The following EDEM3 variants were observed in gnomAD, a reference collection of about 807,000 sequenced individuals.
EDEM3 encodes ER degradation-enhancing alpha-mannosidase-like protein 3.
EDEM3 carries 60 observed loss-of-function variants against 110.2 expected under a neutral mutation model. That is an observed-to-expected ratio of 0.54 (90% CI 0.44 to 0.67). The LOEUF is 0.67. Ranked by LOEUF, EDEM3 falls within the 30% of genes least tolerant of loss-of-function variation. The pLI, the probability that EDEM3 is intolerant of heterozygous loss-of-function variation, is 0.00. For synonymous variants in EDEM3, 352 were observed against 382.9 expected, an observed-to-expected ratio of 0.92 and a Z score of 0.94; for missense variants, 996 against 1,121.0, an observed-to-expected ratio of 0.89 and a Z score of 1.59.
At chr1:184,751,291 G>A (rs1234963139) in intron 1 of EDEM3, among the ~76,000 whole-genome samples, 3 of 151,854 alleles carry the variant, frequency 2.0e-5, no homozygotes, top group African/African-American at 7.3e-5. Flanking sequence ...AATGGAAGAT[G>A]GAAGTCCTCT....
Position 184,737,048 on chromosome 1 carries a change from T to A in EDEM3, c.322A>T (p.Ile108Phe). 2 of 1,610,208 alleles carry A rather than the reference T, an allele frequency of 1.2e-6. No individual in the cohort carries two copies. The highest frequency in any genetic ancestry group is 1.7e-6 in the Non-Finnish European group (2 of 1,178,640). ...DALGKFSLTL[I>F]DSLDTLVVLN... ...ACCACAAGAGTGTCCAAAGAATCAA[T>A]CAGTGTCAGAGAAAATCTAAGAAAC... The change falls in exon 4 of 20, where the codon ATT becomes TTT. Residue 108 changes from isoleucine to phenylalanine, a missense_variant. Coordinates refer to ENST00000318130, the MANE Select transcript of EDEM3 (RefSeq NM_025191.4).
intron 6 of EDEM3, among the ~76,000 whole-genome samples, chr1:184,726,864 G>T (rs1412560588): frequency 3.3e-5 from 5 of 152,176 alleles, no homozygotes; most frequent in African/African-American, 7.2e-5. Context: ...GATTGTTATG[G>T]TATACATTTG....
At chr1:184,716,688 C>T (rs1650568664) in intron 13 of EDEM3, among the ~76,000 whole-genome samples, 200 bp downstream of exon 13, 1 of 152,054 alleles carries the variant, frequency 6.6e-6, no homozygotes, top group Admixed American at 6.6e-5. Context: ...CTACTATATG[C>T]CAGGCACTAT....
rs373653001 is a variant in EDEM3 at position 184,726,380 on chromosome 1, T to G, written c.622A>C (p.Lys208Gln). The G allele has an allele frequency of 1.2e-5, 19 of 1,612,990 alleles. No individual in the cohort carries two copies. The highest frequency in any genetic ancestry group is 4.0e-5 in the African/African-American group (3 of 74,922). The change falls in exon 7 of 20, where the codon AAG (lysine) becomes CAG (glutamine). Residue 208 changes from lysine to glutamine, a missense_variant. Physicochemically the swap from Lys to Gln is moderately conservative, Grantham distance 53 (BLOSUM62 1). Transcript: ENST00000318130. ...SGLPYPRINLKFGIRKPEART... is the reference protein window; with the variant it reads ...SGLPYPRINLQFGIRKPEART... ...GCTTCTGGTTTTCTGATGCCAAACT[T>G]TAAATTAATCTGAATACAATTAGAA... is the stretch of plus-strand genomic sequence containing the variant.
chr1:184,698,025 C>A (rs1649419971), intron 19 of EDEM3, among the ~76,000 whole-genome samples: 1 of 151,230 alleles, frequency 6.6e-6, no homozygotes, highest in African/African-American at 2.4e-5. Context: ...TATAAAATAT[C>A]TAGAAAAGAC....
intron 9 of EDEM3, chr1:184,721,049 T>C: frequency 2.7e-6 from 1 of 377,298 alleles, no homozygotes; most frequent in Non-Finnish European, 4.7e-6. Flanking sequence ...TTACATCTCT[T>C]ATTGGCAGAT....
At chr1:184,739,846 A>C (rs923079183) in intron 2 of EDEM3, among the ~76,000 whole-genome samples, 1 of 152,216 alleles carries the variant, frequency 6.6e-6, no homozygotes, top group African/African-American at 2.4e-5. Context: ...TCAAGTACCA[A>C]AATTAAACGG....
At chr1:184,713,628 G>C (rs543372343) in intron 13 of EDEM3, among the ~76,000 whole-genome samples, 1 of 152,256 alleles carries the variant, frequency 6.6e-6, no homozygotes, top group Non-Finnish European at 1.5e-5. Context: ...CACACAGTAG[G>C]CACTCAATAA....
chr1:184,721,499 C>T, intron 8 of EDEM3, 113 bp from the exon 9 acceptor site: 2 of 630,954 alleles, frequency 3.2e-6, no homozygotes, highest in East Asian at 6.4e-5. Context: ...ATATATATGA[C>T]TACACCAGTT....
chr1:184,734,843 C>T (rs1284554603), intron 4 of EDEM3, among the ~76,000 whole-genome samples, 200 bp from the exon 5 acceptor site: 2 of 152,112 alleles, frequency 1.3e-5, no homozygotes, highest in Admixed American at 1.3e-4. Flanking sequence ...CATCTTTATA[C>T]ACTTCTTTGC....
In EDEM3 at chr1:184,690,516, T is replaced by C. The variant is rs1649015476; in HGVS notation, c.*3547A>G. 1 of 152,592 alleles carries C rather than the reference T, an allele frequency of 6.6e-6. No individual in the cohort carries two copies. Among genetic ancestry groups the C allele is most frequent in the South Asian group, 2.1e-4 (1 of 4,834 alleles). The allele number at this position is 152,592 out of a possible 1,614,324, so 9.5% of individuals were successfully genotyped here. On this transcript the variant is annotated 3_prime_UTR_variant, in exon 20 of 20. Transcript: ENST00000318130. ...TTAAAACTAAACTGGAATATTTACA[T>C]ATTTTATTAAATCTTTACAATCAGT...
Position 184,717,609 on chromosome 1 carries a change from A to G in EDEM3, c.1176T>C (p.Asp392=). The part of the protein sequence containing the change: ...HNFLPEAFTT[D]FRVHWAQHPL... ...GATGTTGAGCCCAGTGTACTCTGAA[A>G]TCTGTGGTAAATGCCTGAACAAAAC... The change falls in exon 12 of 20, where the codon GAT becomes GAC. Residue 392 remains aspartate (D), a synonymous_variant. Transcript: ENST00000318130. 1 of 1,602,456 alleles carries G rather than the reference A, an allele frequency of 6.2e-7. No individual in the cohort carries two copies. The highest frequency in any genetic ancestry group is 8.5e-7 in the Non-Finnish European group (1 of 1,175,628).
In EDEM3 at chr1:184,710,527, C is replaced by G. The variant is rs1258372477; in HGVS notation, c.1712G>C (p.Gly571Ala). 4 of 1,613,068 alleles carry G rather than the reference C, an allele frequency of 2.5e-6. No individual in the cohort carries two copies. Among genetic ancestry groups the G allele is most frequent in the East Asian group, 2.2e-5 (1 of 44,836 alleles). The change falls in exon 16 of 20, where the codon GGA becomes GCA. Residue 571 changes from glycine to alanine, a missense_variant. Physicochemically the swap from Gly to Ala is moderately conservative, Grantham distance 60. This residue lies in a region of EDEM3 where 138 missense variants were observed against 124.3 expected (regional missense o/e 1.11). Coordinates refer to ENST00000318130, the MANE Select transcript of EDEM3 (RefSeq NM_025191.4). ...IIRVEESFRS[G>A]AKPPLRARDF... ...TCTGGCTCTCAGAGGGGGTTTAGCT[C>G]CACTCCTGAAACTCTCCTCTCTGCT... is the stretch of plus-strand genomic sequence containing the variant.
Position 184,754,681 on chromosome 1 carries a change from C to G in EDEM3, c.-35G>C. On this transcript the variant is annotated 5_prime_UTR_variant, in exon 1 of 20. Coordinates refer to ENST00000318130, the MANE Select transcript of EDEM3 (RefSeq NM_025191.4). ...GTTCCGCGCACGCGCAGCTGCTACG[C>G]CCGGCCGGTGAGACACATTGCTGGA... 1 of 1,506,058 alleles carries G rather than the reference C, an allele frequency of 6.6e-7. No homozygotes were observed. Among genetic ancestry groups the G allele is most frequent in the Non-Finnish European group, 8.9e-7 (1 of 1,129,470 alleles). The allele number at this position is 1,506,058 out of a possible 1,614,324, so 93.3% of individuals were successfully genotyped here.
rs368655971 is a variant in EDEM3, at chr1:184,708,332, T to C, written c.1858A>G (p.Ile620Val). ...VQHAIQAASSIDAEDGLRFMQ... is the reference protein window; with the variant it reads ...VQHAIQAASSVDAEDGLRFMQ... ...AACCTCAACCCATCTTCAGCGTCGA[T>C]TGAACTAGCAGCCTATGAAAAAAAC... The change falls in exon 17 of 20, where the codon ATC becomes GTC. Residue 620 changes from isoleucine to valine, a missense_variant. Physicochemically the swap from Ile to Val is conservative, Grantham distance 29. Transcript: ENST00000318130. 161 of 1,609,868 alleles carry C rather than the reference T, an allele frequency of 1.0e-4. No homozygotes were observed. Among genetic ancestry groups the C allele is most frequent in the Middle Eastern group, 1.6e-4 (1 of 6,068 alleles).
At chr1:184,697,569 T>A (rs1649395202) in intron 19 of EDEM3, among the ~76,000 whole-genome samples, 1 of 151,770 alleles carries the variant, frequency 6.6e-6, no homozygotes, top group Non-Finnish European at 1.5e-5. Flanking sequence ...CAAGAATATT[T>A]GATATATAGC....
chr1:184,731,600 G>A (rs962195353), intron 6 of EDEM3, among the ~76,000 whole-genome samples: 9 of 152,086 alleles, frequency 5.9e-5, no homozygotes, highest in African/African-American at 1.9e-4. Context: ...TCCTCCTCAT[G>A]CCCTCCCTCT....
At chr1:184,747,168 T>TA (rs146554571) in intron 2 of EDEM3, among the ~76,000 whole-genome samples, 10,874 of 151,734 alleles carry the variant, frequency 0.072, 446 homozygotes, top group African/African-American at 0.12. Flanking sequence ...TCCTGTTCTT[T>TA]AAAAAAAAAT....
chr1:184,698,199 T>C (rs972180337), intron 19 of EDEM3, among the ~76,000 whole-genome samples: 42 of 151,956 alleles, frequency 2.8e-4, no homozygotes, highest in African/African-American at 9.4e-4. Flanking sequence ...CTACAACCTT[T>C]TTTGGAATGC....
Sources: gnomAD v4.1 joint callset for allele counts (sites outside exome capture counted in the v4.1 genomes callset) on GRCh38, gnomAD v4.1.1 for gene constraint, gnomAD v4.1.1 regional missense constraint, MANE v1.5 for transcripts, NCBI Gene and HGNC (gene_info 2026-07-23, HGNC 2026-07-21) for gene names.